TMEM65: variants seen among roughly 807,000 people sequenced by gnomAD.
TMEM65 encodes the protein transmembrane protein 65.
Under a neutral mutation model 25.4 loss-of-function variants are expected in TMEM65, and 22 were observed. That is an observed-to-expected ratio of 0.86 (90% CI 0.62 to 1.23). The LOEUF is 1.23. Among genes scored for constraint, TMEM65 ranks in the 50% most tolerant of loss-of-function variants. The pLI, the probability that TMEM65 is intolerant of heterozygous loss-of-function variation, is 0.00. For synonymous variants in TMEM65, 132 were observed against 126.2 expected (o/e 1.05, Z -0.31); for missense variants, 262 against 308.2 (o/e 0.85, Z 1.12).
intron 1 of TMEM65, among the ~76,000 whole-genome samples, chr8:124,370,706 A>C (rs562039597): frequency 1.6e-4 from 25 of 152,378 alleles, no homozygotes; most frequent in African/African-American, 5.8e-4. Context: ...CGTCCTGCTT[A>C]CATGAGGTAG....
At chr8:124,362,250 A>G (rs978935866) in intron 1 of TMEM65, among the ~76,000 whole-genome samples, 4 of 152,216 alleles carry the variant, frequency 2.6e-5, no homozygotes, top group Non-Finnish European at 5.9e-5. Flanking sequence ...TTTGCTGAGA[A>G]AAAATAATTT....
chr8:124,313,033 C>G lies in TMEM65; in HGVS notation c.*927G>C, dbSNP rs1762721055. 2.0e-5 allele frequency: 3 copies of G among 151,232 alleles called. No homozygotes were observed. The highest frequency in any genetic ancestry group is 4.4e-5 in the Non-Finnish European group (3 of 67,744). The allele number at this position is 151,232 out of a possible 1,614,324, so 9.4% of individuals were successfully genotyped here. A position where few individuals can be genotyped will look rare whatever the true frequency, so the allele number is the denominator to read the frequency against. ...TGTATCTCATTAATCTTTCAAACAT[C>G]ACTTCAACTTCATCATTTATACCAT... On this transcript the variant is annotated 3_prime_UTR_variant, in exon 7 of 7. Coordinates refer to ENST00000297632, the MANE Select transcript of TMEM65 (RefSeq NM_194291.3).
intron 2 of TMEM65, among the ~76,000 whole-genome samples, chr8:124,329,142 G>A (rs1198778658): frequency 6.6e-6 from 1 of 151,878 alleles, no homozygotes; most frequent in African/African-American, 2.4e-5. Context: ...AATATTATTT[G>A]TTATTAAAGG....
At position 124,371,874 on chromosome 8, in the gene TMEM65, T is replaced by G; in HGVS notation, c.284A>C (p.Glu95Ala). The change falls in exon 1 of 7, where the codon GAG (glutamate) becomes GCG (alanine). Residue 95 changes from glutamate (E) to alanine (A), a missense_variant. Glu to Ala is a moderately radical substitution (Grantham distance 107). Transcript: ENST00000297632. Reference protein sequence around the residue: ...SCLLKELHRFESIAIAQEKLE... With the variant: ...SCLLKELHRFASIAIAQEKLE... ...CTTACCTTGGGCAATGGCAATAGAC[T>G]CGAAGCGGTGCAGCTCTTTGAGCAG... 2 of 1,543,218 alleles carry G rather than the reference T, an allele frequency of 1.3e-6. No individual in the cohort carries two copies. The highest frequency in any genetic ancestry group is 3.4e-4 in the Middle Eastern group (2 of 5,958).
chr8:124,331,273 G>A (rs1814428167), intron 1 of TMEM65, among the ~76,000 whole-genome samples: 1 of 148,060 alleles, frequency 6.8e-6, no homozygotes, highest in East Asian at 2.0e-4. Context: ...TTAAAGCAAT[G>A]TATGAAAACA....
intron 6 of TMEM65, among the ~76,000 whole-genome samples, chr8:124,319,731 A>G (rs1814282289): frequency 6.6e-6 from 1 of 152,086 alleles, no homozygotes; most frequent in Admixed American, 6.6e-5. Flanking sequence ...TCATTACTGC[A>G]TATGTCATAC....
At position 124,320,369 on chromosome 8, in the gene TMEM65, C is replaced by T. The variant is rs1333236545; in HGVS notation, c.516-178G>A. 2.6e-5 allele frequency among the ~76,000 whole-genome samples: 4 copies of T among 152,144 alleles called. 1 individual carries two copies. The highest frequency in any genetic ancestry group is 5.9e-5 in the Non-Finnish European group (4 of 68,030). Reference sequence around the variant, plus strand: ...GAAACAAGATAATTTTACATTTGCACTTGTACTCTAGAAATGACATAAACA... The same window carrying T: ...GAAACAAGATAATTTTACATTTGCATTTGTACTCTAGAAATGACATAAACA... On this transcript the variant is annotated intron_variant, in intron 5 of 6. Coordinates refer to ENST00000297632, the MANE Select transcript of TMEM65 (RefSeq NM_194291.3).
intron 1 of TMEM65, among the ~76,000 whole-genome samples, chr8:124,343,680 G>A (rs982589006): frequency 2.6e-5 from 4 of 152,044 alleles, no homozygotes; most frequent in African/African-American, 9.7e-5. Context: ...AGAAGCAGAT[G>A]GCATCCTGGA....
At chr8:124,318,774 C>T (rs1311433797) in intron 6 of TMEM65, among the ~76,000 whole-genome samples, 1 of 152,100 alleles carries the variant, frequency 6.6e-6, no homozygotes. Flanking sequence ...GATGCTGGCA[C>T]CACATTTTGA....
rs1156703109 is a variant in TMEM65, at chr8:124,323,314, T to G, written c.472+7A>C. On this transcript the variant is annotated splice_region_variant and intron_variant, in intron 4 of 6. Coordinates refer to ENST00000297632, the MANE Select transcript of TMEM65 (RefSeq NM_194291.3). ...ATGAAATAATAACATTTACTACTGT[T>G]AAATACCTGCCATAGTTGAAATTCC... The G allele has an allele frequency of 6.9e-7, 1 of 1,451,538 alleles. No individual in the cohort carries two copies. The highest frequency in any genetic ancestry group is 1.4e-5 in the African/African-American group (1 of 70,020). The allele number at this position is 1,451,538 out of a possible 1,614,324, so 89.9% of individuals were successfully genotyped here. A position where few individuals can be genotyped will look rare whatever the true frequency, so the allele number is the denominator to read the frequency against.
chr8:124,329,155 G>A (rs759422158), intron 2 of TMEM65, among the ~76,000 whole-genome samples: 7 of 151,926 alleles, frequency 4.6e-5, no homozygotes, highest in Non-Finnish European at 7.4e-5. Flanking sequence ...ATTAAAGGTT[G>A]TAAAAATCAA....
At chr8:124,316,227 A>G (rs1310373904) in intron 6 of TMEM65, among the ~76,000 whole-genome samples, 1 of 152,248 alleles carries the variant, frequency 6.6e-6, no homozygotes, top group Non-Finnish European at 1.5e-5. Flanking sequence ...ATTATGTCTT[A>G]CAATACTCTA....
chr8:124,309,868 T>C lies in TMEM65; in HGVS notation c.*4092A>G, dbSNP rs1006507522. ...GAGTCTGAGGCCAGCCTGGCCAACATGGTGAAACCCCGTTTCTACTAAAAA... is the reference window on the plus strand; with the variant it reads ...GAGTCTGAGGCCAGCCTGGCCAACACGGTGAAACCCCGTTTCTACTAAAAA... On this transcript the variant is annotated 3_prime_UTR_variant, in exon 7 of 7. Transcript: ENST00000297632. The C allele has an allele frequency of 2.6e-5, 4 of 151,936 alleles. No homozygotes were observed. The highest frequency in any genetic ancestry group is 5.9e-5 in the Non-Finnish European group (4 of 68,064). The allele number at this position is 151,936 out of a possible 1,614,324, so 9.4% of individuals were successfully genotyped here. A position where few individuals can be genotyped will look rare whatever the true frequency, so the allele number is the denominator to read the frequency against.
chr8:124,360,148 C>T (rs987188588), intron 1 of TMEM65, among the ~76,000 whole-genome samples: 68 of 151,848 alleles, frequency 4.5e-4, no homozygotes, highest in Non-Finnish European at 7.5e-4. Flanking sequence ...AAAAAAATCT[C>T]GGCCAGGCAC....
intron 1 of TMEM65, among the ~76,000 whole-genome samples, chr8:124,362,568 A>G (rs140365742): frequency 0.012 from 1,825 of 148,496 alleles, 38 homozygotes; most frequent in African/African-American, 0.043. Flanking sequence ...AGGCTTAGTC[A>G]TGAGAATCGC....
chr8:124,362,081 G>A (rs1404573996), intron 1 of TMEM65, among the ~76,000 whole-genome samples: 3 of 151,504 alleles, frequency 2.0e-5, no homozygotes, highest in African/African-American at 7.3e-5. Context: ...TAGTAGATTC[G>A]GGGTTTCACC....
intron 6 of TMEM65, among the ~76,000 whole-genome samples, chr8:124,318,374 T>TG (rs1563588910): frequency 1.6e-5 from 2 of 122,926 alleles, no homozygotes; most frequent in African/African-American, 6.4e-5. Context: ...TTTTTGTTTT[T>TG]TTTTTTTTTT....
chr8:124,307,273 C>T lies in TMEM65; in HGVS notation c.*6687G>A, dbSNP rs1814101998. 6.6e-6 allele frequency: 1 copy of T among 152,132 alleles called. No homozygotes were observed. Among genetic ancestry groups the T allele is most frequent in the Non-Finnish European group, 1.5e-5 (1 of 68,034 alleles). 9.4% of individuals were successfully genotyped at this position (152,132 alleles called of 1,614,324 possible). On this transcript the variant is annotated 3_prime_UTR_variant, in exon 7 of 7. Transcript: ENST00000297632. ...TATTTTTCATCATGTTTAGTACAAC[C>T]ATAAACCTTGCAATAATACCAAGGG...
Position 124,306,913 on chromosome 8 carries a change from C to A in TMEM65, c.*7047G>T. On this transcript the variant is annotated 3_prime_UTR_variant, in exon 7 of 7. Transcript: ENST00000297632. ...GCAGTGAGCCGGCATGGTGCCACTG[C>A]ACTCCAGCCTGGACAACAGAGCAAG... 1 of 151,852 alleles carries A rather than the reference C, an allele frequency of 6.6e-6. No homozygotes were observed. Among genetic ancestry groups the A allele is most frequent in the Non-Finnish European group, 1.5e-5 (1 of 68,002 alleles). 9.4% of individuals were successfully genotyped at this position (151,852 alleles called of 1,614,324 possible).
Sources: allele counts gnomAD v4.1 joint callset (sites outside exome capture counted in the v4.1 genomes callset), GRCh38; gene constraint gnomAD v4.1.1; transcripts MANE v1.5; gene names NCBI Gene and HGNC (gene_info 2026-07-23, HGNC 2026-07-21).